The following PKIB variants were observed in gnomAD, a reference collection of about 807,000 sequenced individuals.
PKIB encodes cAMP-dependent protein kinase inhibitor beta, also known as PKI-beta.
A neutral mutation model predicts 4.5 loss-of-function variants in PKIB; 2 were observed. That is an observed-to-expected ratio of 0.44 (90% CI 0.18 to 1.39). The LOEUF is 1.39. PKIB is among the 40% of genes most tolerant of loss of function. The probability of loss-of-function intolerance (pLI) is 0.27; values close to 1 mark genes in which losing one functional copy is unlikely to be tolerated. For missense variants in PKIB, 94 were observed against 92.6 expected (o/e 1.02, Z -0.06); for synonymous variants, 38 against 36.0 (o/e 1.06, Z -0.20).
At chr6:122,501,784 C>T (rs1225792547) in intron 2 of PKIB, among the ~76,000 whole-genome samples, 2 of 152,150 alleles carry the variant, frequency 1.3e-5, no homozygotes, top group Admixed American at 6.5e-5. Context: ...CTTCTGCAGC[C>T]TTGAATTCTT....
intron 3 of PKIB, among the ~76,000 whole-genome samples, chr6:122,678,962 T>C (rs1219030991): frequency 1.3e-5 from 2 of 152,190 alleles, no homozygotes; most frequent in African/African-American, 4.8e-5. Flanking sequence ...AGAGGGACAC[T>C]GCAACACGTG....
intron 2 of PKIB, among the ~76,000 whole-genome samples, chr6:122,582,241 A>G (rs1773723701): frequency 6.6e-6 from 1 of 151,966 alleles, no homozygotes; most frequent in Non-Finnish European, 1.5e-5. Context: ...AGAATTTAGT[A>G]GCTATTCTTC....
intron 2 of PKIB, among the ~76,000 whole-genome samples, chr6:122,545,839 G>GAA (rs912129255): frequency 6.8e-6 from 1 of 146,942 alleles, no homozygotes; most frequent in Non-Finnish European, 1.5e-5. Flanking sequence ...TCCATCATGT[G>GAA]AAAAAAAAAA....
At chr6:122,568,530 A>G (rs570791281) in intron 2 of PKIB, among the ~76,000 whole-genome samples, 7 of 152,336 alleles carry the variant, frequency 4.6e-5, no homozygotes, top group South Asian at 4.1e-4. Context: ...GTGCAATATA[A>G]AAGTAGAAGC....
intron 2 of PKIB, among the ~76,000 whole-genome samples, chr6:122,574,058 A>C (rs939152174): frequency 6.6e-6 from 1 of 152,242 alleles, no homozygotes; most frequent in African/African-American, 2.4e-5. Flanking sequence ...GCATTTGATA[A>C]ACTCAGTAAA....
chr6:122,658,781 A>G (rs1019205555), intron 2 of PKIB, among the ~76,000 whole-genome samples: 2 of 147,034 alleles, frequency 1.4e-5, no homozygotes, highest in African/African-American at 5.1e-5. Context: ...GAATCACTGA[A>G]GATAAGGGAT....
intron 3 of PKIB, among the ~76,000 whole-genome samples, chr6:122,680,102 C>G (rs191414462): frequency 4.3e-4 from 65 of 152,254 alleles, no homozygotes; most frequent in African/African-American, 1.4e-3. Flanking sequence ...ACTCTACTTT[C>G]TATAGAAGGT....
intron 2 of PKIB, among the ~76,000 whole-genome samples, chr6:122,570,080 A>G (rs1773314674): frequency 6.6e-6 from 1 of 152,220 alleles, no homozygotes; most frequent in Non-Finnish European, 1.5e-5. Context: ...GCATCCCCAC[A>G]GGAAGAGCAC....
chr6:122,635,480 C>T (rs1433403591), intron 2 of PKIB, among the ~76,000 whole-genome samples: 2 of 139,558 alleles, frequency 1.4e-5, no homozygotes, highest in Admixed American at 1.5e-4. Context: ...TCCCTATATT[C>T]TATGAATTCT....
At chr6:122,592,948 C>T (rs1774061920) in intron 3 of PKIB, among the ~76,000 whole-genome samples, 3 of 152,116 alleles carry the variant, frequency 2.0e-5, no homozygotes, top group Non-Finnish European at 4.4e-5. Context: ...CAATAATGTA[C>T]ATAACTCTAA....
At chr6:122,677,343 T>A (rs978881941) in intron 3 of PKIB, among the ~76,000 whole-genome samples, 4 of 152,168 alleles carry the variant, frequency 2.6e-5, no homozygotes, top group South Asian at 4.2e-4. Flanking sequence ...TTGTTTTTTT[T>A]AAAACTGCCT....
chr6:122,618,014 C>T (rs1007644637), intron 1 of PKIB, among the ~76,000 whole-genome samples: 3 of 152,074 alleles, frequency 2.0e-5, no homozygotes, highest in Non-Finnish European at 4.4e-5. Context: ...AAGAAAATAA[C>T]ATTTCTTAAA....
At chr6:122,713,313 C>G (rs9490533) in intron 3 of PKIB, among the ~76,000 whole-genome samples, 1 of 151,884 alleles carries the variant, frequency 6.6e-6, no homozygotes, top group African/African-American at 2.4e-5. Flanking sequence ...TGTTAATTCT[C>G]TAGAAGAGAA....
chr6:122,661,027 C>T (rs893025261), intron 2 of PKIB, among the ~76,000 whole-genome samples: 2 of 152,018 alleles, frequency 1.3e-5, no homozygotes, highest in Admixed American at 1.3e-4. Context: ...CCTAGTTCTA[C>T]ATTTGAAAAA....
At chr6:122,627,015 A>G (rs1379272889) in intron 1 of PKIB, among the ~76,000 whole-genome samples, 1 of 150,690 alleles carries the variant, frequency 6.6e-6, no homozygotes, top group Non-Finnish European at 1.5e-5. Flanking sequence ...TGGGTGGATC[A>G]CGAGGTCAGG....
intron 2 of PKIB, among the ~76,000 whole-genome samples, chr6:122,577,865 C>T (rs1372471356): frequency 3.3e-5 from 5 of 149,438 alleles, no homozygotes; most frequent in African/African-American, 4.9e-5. Context: ...GCTGAGATCA[C>T]GCCACTGCAC....
chr6:122,558,992 C>T (rs1772934678), intron 2 of PKIB, among the ~76,000 whole-genome samples: 1 of 152,180 alleles, frequency 6.6e-6, no homozygotes, highest in Admixed American at 6.6e-5. Flanking sequence ...TCAGTGAGAA[C>T]ATATGATGTT....
intron 3 of PKIB, among the ~76,000 whole-genome samples, chr6:122,599,520 T>C (rs1774289126): frequency 6.6e-6 from 1 of 152,198 alleles, no homozygotes; most frequent in Non-Finnish European, 1.5e-5. Flanking sequence ...TAAGACTCAC[T>C]CAGGGCAATC....
At chr6:122,573,730 G>C (rs1228676684) in intron 2 of PKIB, among the ~76,000 whole-genome samples, 3 of 152,010 alleles carry the variant, frequency 2.0e-5, no homozygotes, top group Non-Finnish European at 2.9e-5. Context: ...ATCCCTTTGT[G>C]ATAAAACCCT....
Sources: allele counts gnomAD v4.1 joint callset (sites outside exome capture counted in the v4.1 genomes callset), GRCh38; gene constraint gnomAD v4.1.1; transcripts MANE v1.5; gene names NCBI Gene and HGNC (gene_info 2026-07-23, HGNC 2026-07-21).